The following ITPR3 variants were observed in gnomAD, a reference collection of about 807,000 sequenced individuals.
The protein encoded by ITPR3 is inositol 1,4,5-trisphosphate receptor type 3.
ITPR3 carries 173 observed loss-of-function variants against 293.2 expected under a neutral mutation model. The observed-to-expected ratio is 0.59, with a 90% confidence interval of 0.52 to 0.67. The LOEUF (loss-of-function observed/expected upper bound fraction) is 0.67, where lower values mean the gene tolerates loss of function less well. Among genes scored for constraint, ITPR3 ranks in the 30% least tolerant of loss-of-function variants. The pLI is 0.00. For synonymous variants in ITPR3, 1,295 were observed against 1,444.4 expected (o/e 0.90, Z 2.35); for missense variants, 2,796 against 3,592.1 (o/e 0.78, Z 5.66).
chr6:33,684,669 T>A lies in ITPR3; in HGVS notation c.5118T>A (p.Leu1706=). The stretch of plus-strand genomic sequence containing the variant: ...GGAAGTCCACCTCGCGGGGGGACCT[T>A]CCCGACCCCATAGGCACTGGTCAGT... ...QNRKSTSRGD[L]PDPIGTGLDP... is the part of the protein sequence containing the mutation. Residue 1706 remains leucine (L), a synonymous_variant, in exon 38 of 58, where the codon CTT becomes CTA. Transcript: ENST00000605930. This position sits in a 1 kb window ranked among gnomAD's most constrained non-coding sequence, Gnocchi z 4.2. The A allele has an allele frequency of 6.2e-7, 1 of 1,613,974 alleles. No individual in the cohort carries two copies. The highest frequency in any genetic ancestry group is 8.5e-7 in the Non-Finnish European group (1 of 1,179,994).
Position 33,674,138 on chromosome 6 carries a change from T to C in ITPR3, c.3059-70T>C, listed in dbSNP as rs1451977259. On this transcript the variant is annotated intron_variant, in intron 23 of 57. Transcript: ENST00000605930. ...AGTGCAGGGAAGAGGGTGGTTTGAG[T>C]GTCTCCCTGTGCTCCCCTCTTTCCC... is the stretch of plus-strand genomic sequence containing the variant. 3.2e-6 allele frequency: 5 copies of C among 1,565,076 alleles called. No individual in the cohort carries two copies. The African/African-American group carries it at 4.1e-5, about 13-fold the overall frequency.
intron 31 of ITPR3, 60 bp from the exon 32 acceptor site, chr6:33,680,269 G>T: frequency 6.3e-7 from 1 of 1,580,644 alleles, no homozygotes; most frequent in Admixed American, 1.7e-5. Flanking sequence ...GAGCATTGTG[G>T]CAGGGAGAGC....
chr6:33,687,617 GAC>G lies in ITPR3; in HGVS notation c.6264+56_6264+57del. 1 of 1,440,078 alleles carries G rather than the reference GAC, an allele frequency of 6.9e-7. No individual in the cohort carries two copies. Among genetic ancestry groups the G allele is most frequent in the Non-Finnish European group, 9.7e-7 (1 of 1,035,076 alleles). 89.2% of individuals were successfully genotyped at this position (1,440,078 alleles called of 1,614,324 possible). ...GGGGTGGGGCCTGGAACCCAGGGAG[GAC>G]ACTTGACCCAAGGGCGTGGCCTGGA... On this transcript the variant is annotated intron_variant, in intron 46 of 57. Transcript: ENST00000605930. This position sits in a 1 kb window ranked among gnomAD's most constrained non-coding sequence, Gnocchi z 5.3.
Position 33,683,865 on chromosome 6 carries a change from A to C in ITPR3, c.4789-155A>C, listed in dbSNP as rs1429488252. Among the ~76,000 whole-genome samples the C allele has an allele frequency of 6.6e-6, 1 of 152,022 alleles. No individual in the cohort carries two copies. The highest frequency in any genetic ancestry group is 1.5e-5 in the Non-Finnish European group (1 of 67,988). On this transcript the variant is annotated intron_variant, in intron 35 of 57. Coordinates refer to ENST00000605930, the MANE Select transcript of ITPR3 (RefSeq NM_002224.4). The surrounding 1 kb of genome is among the most constrained non-coding windows in gnomAD (Gnocchi z 4.5). ...CCCAGCCAGGGCTCTGAGCAGACAG[A>C]CATCACGCTGTGTTCAGGGTGTCTC...
rs1039807546 is a variant in ITPR3, at chr6:33,696,242, C to G, written c.*462C>G. On this transcript the variant is annotated 3_prime_UTR_variant, in exon 58 of 58. Coordinates refer to ENST00000605930, the MANE Select transcript of ITPR3 (RefSeq NM_002224.4). ...TTTAACTTATTTCAAGGGTGCTGTGCTCAGCCCTGCCCATGGCTGTGCAGC... is the reference window on the plus strand; with the variant it reads ...TTTAACTTATTTCAAGGGTGCTGTGGTCAGCCCTGCCCATGGCTGTGCAGC... 1 of 188,164 alleles carries G rather than the reference C, an allele frequency of 5.3e-6. No homozygotes were observed. The highest frequency in any genetic ancestry group is 2.3e-5 in the African/African-American group (1 of 42,892). 11.7% of individuals were successfully genotyped at this position (188,164 alleles called of 1,614,324 possible). A position where few individuals can be genotyped will look rare whatever the true frequency, so the allele number is the denominator to read the frequency against.
At position 33,633,742 on chromosome 6, in the gene ITPR3, C is replaced by A. The variant is rs1332651016; in HGVS notation, c.90-6742C>A. ...GCACGTGGGACGGCGAGTTTCGCTT[C>A]GCCGCGGGGGCGGGGGCGGGGCCGG... On this transcript the variant is annotated intron_variant, in intron 1 of 57. Transcript: ENST00000605930. This position sits in a 1 kb window ranked among gnomAD's most constrained non-coding sequence, Gnocchi z 5.2. 1.4e-5 allele frequency among the ~76,000 whole-genome samples: 2 copies of A among 138,642 alleles called. No homozygotes were observed. The highest frequency in any genetic ancestry group is 2.0e-4 in the East Asian group (1 of 4,902). 91.0% of individuals were successfully genotyped at this position (138,642 alleles called of 152,430 possible).
At position 33,696,335 on chromosome 6, in the gene ITPR3, A is replaced by G. The variant is rs1017213035; in HGVS notation, c.*555A>G. ...CTGTCGTGTCCATGCCACCCCCGGC[A>G]TGGCTCCAGGTGGCCTGGTGACTCC... is the stretch of plus-strand genomic sequence containing the variant. On this transcript the variant is annotated 3_prime_UTR_variant, in exon 58 of 58. Coordinates refer to ENST00000605930, the MANE Select transcript of ITPR3 (RefSeq NM_002224.4). 1.9e-5 allele frequency: 3 copies of G among 154,012 alleles called. No individual in the cohort carries two copies. The highest frequency in any genetic ancestry group is 1.3e-4 in the Admixed American group (2 of 15,682). The allele number at this position is 154,012 out of a possible 1,614,324, so 9.5% of individuals were successfully genotyped here.
At chr6:33,671,402 T>C in intron 21 of ITPR3, 96 bp downstream of exon 21, 1 of 831,040 alleles carries the variant, frequency 1.2e-6, no homozygotes, top group South Asian at 1.7e-5. Context: ...CAGCCCCGCA[T>C]TCCCCCCACC....
rs1395753282 is a variant in ITPR3 at position 33,687,994 on chromosome 6, G to A, written c.6265-63G>A. On this transcript the variant is annotated intron_variant, in intron 46 of 57. Coordinates refer to ENST00000605930, the MANE Select transcript of ITPR3 (RefSeq NM_002224.4). The surrounding 1 kb of genome is among the most constrained non-coding windows in gnomAD (Gnocchi z 5.3). ...GCTAGGCGAAGGCCTGGGAGGGTGG[G>A]GGCTGAGTGCCAGCCTGGATGTGGA... 3.0e-6 allele frequency: 4 copies of A among 1,339,890 alleles called. No homozygotes were observed. Among genetic ancestry groups the A allele is most frequent in the Non-Finnish European group, 3.2e-6 (3 of 951,104 alleles). The allele number at this position is 1,339,890 out of a possible 1,614,324, so 83.0% of individuals were successfully genotyped here. A position where few individuals can be genotyped will look rare whatever the true frequency, so the allele number is the denominator to read the frequency against.
At chr6:33,631,577 G>A (rs931886628) in intron 1 of ITPR3, among the ~76,000 whole-genome samples, 6 of 152,156 alleles carry the variant, frequency 3.9e-5, no homozygotes, top group South Asian at 2.1e-4. Flanking sequence ...CCAGGAGTAC[G>A]GGAGGAGCAT....
chr6:33,680,211 G>C, intron 31 of ITPR3, 78 bp downstream of exon 31: 1 of 1,581,686 alleles, frequency 6.3e-7, no homozygotes, highest in South Asian at 1.2e-5. Flanking sequence ...GGAAGAGTGG[G>C]TGAAGCAAAG....
At chr6:33,636,123 C>CA (rs59543122) in intron 1 of ITPR3, among the ~76,000 whole-genome samples, 1,403 of 83,244 alleles carry the variant, frequency 0.017, 65 homozygotes, top group African/African-American at 0.037. Context: ...GCTGTCTCTA[C>CA]AAAAAAAAAA....
intron 28 of ITPR3, among the ~76,000 whole-genome samples, chr6:33,678,151 G>A (rs1308650940): frequency 6.6e-6 from 1 of 152,056 alleles, no homozygotes; most frequent in Non-Finnish European, 1.5e-5. Flanking sequence ...CCCTTGCCAT[G>A]ACTGATCTTG....
rs1178776702 is a variant in ITPR3, at chr6:33,671,181, A to C, written c.2603A>C (p.His868Pro). The C allele has an allele frequency of 3.1e-6, 5 of 1,613,030 alleles. No individual in the cohort carries two copies. Among genetic ancestry groups the C allele is most frequent in the Non-Finnish European group, 4.2e-6 (5 of 1,179,782 alleles). ...KLTFEVVSLAHNLIYFGFYSF... is the reference protein window; with the variant it reads ...KLTFEVVSLAPNLIYFGFYSF... ...CCTTCGCAGGTGGTCAGCCTGGCGC[A>C]CAATCTCATCTACTTCGGCTTCTAC... The change falls in exon 21 of 58, where the codon CAC (histidine) becomes CCC (proline). Residue 868 changes from histidine to proline, a missense_variant. His to Pro is a moderately conservative substitution (Grantham distance 77, BLOSUM62 -2). This residue lies in a region of ITPR3 where 955 missense variants were observed against 1,180.8 expected (regional missense o/e 0.81). Coordinates refer to ENST00000605930, the MANE Select transcript of ITPR3 (RefSeq NM_002224.4).
At chr6:33,694,413 A>G in intron 56 of ITPR3, 1 of 168,422 alleles carries the variant, frequency 5.9e-6, no homozygotes, top group Non-Finnish European at 1.2e-5. Context: ...TCCCCCCCCG[A>G]CTCCTCTGTC....
At chr6:33,694,025 G>A (rs538314312) in intron 56 of ITPR3, among the ~76,000 whole-genome samples, 8 of 152,186 alleles carry the variant, frequency 5.3e-5, no homozygotes, top group Non-Finnish European at 7.3e-5. Flanking sequence ...CGAAGAACAC[G>A]TGTGGTATCC....
In ITPR3 at chr6:33,689,224, C is replaced by G. The variant is rs1158166448; in HGVS notation, c.6695-14C>G. On this transcript the variant is annotated splice_polypyrimidine_tract_variant and intron_variant, in intron 49 of 57. Coordinates refer to ENST00000605930, the MANE Select transcript of ITPR3 (RefSeq NM_002224.4). ...GCTTGAGGGAGCCCTGCTCACCCTG[C>G]CCCTGGCCCCCAGGCGTGCTGGACT... 6.2e-7 allele frequency: 1 copy of G among 1,606,264 alleles called. No homozygotes were observed. The highest frequency in any genetic ancestry group is 1.1e-5 in the South Asian group (1 of 91,034).
chr6:33,661,573 T>A (rs1383036341), intron 7 of ITPR3, among the ~76,000 whole-genome samples: 1 of 152,228 alleles, frequency 6.6e-6, no homozygotes, highest in African/African-American at 2.4e-5. Flanking sequence ...GTGTGCAGTG[T>A]GACTTCATCA....
At chr6:33,625,332 C>T (rs1005171664) in intron 1 of ITPR3, among the ~76,000 whole-genome samples, 3 of 152,024 alleles carry the variant, frequency 2.0e-5, no homozygotes, top group East Asian at 1.9e-4. Flanking sequence ...TGGGTTCAAG[C>T]GATTCTTCTG....
Sources: allele counts gnomAD v4.1 joint callset (sites outside exome capture counted in the v4.1 genomes callset), GRCh38; gene constraint gnomAD v4.1.1; regional missense constraint gnomAD v4.1.1; non-coding constraint Gnocchi (gnomAD v3.1); transcripts MANE v1.5; gene names NCBI Gene and HGNC (gene_info 2026-07-23, HGNC 2026-07-21).